The following SERPINB3 variants were observed in gnomAD, a reference collection of about 807,000 sequenced individuals.
SERPINB3 encodes the protein serpin B3.
SERPINB3 carries 33 observed loss-of-function variants against 33.0 expected under a neutral mutation model. That is an observed-to-expected ratio of 1.00 (90% CI 0.76 to 1.34). The LOEUF (loss-of-function observed/expected upper bound fraction) is 1.34. SERPINB3 is among the 40% of genes most tolerant of loss of function. The pLI, the probability that SERPINB3 is intolerant of heterozygous loss-of-function variation, is 0.00. For synonymous variants in SERPINB3, 200 were observed against 170.9 expected, an observed-to-expected ratio of 1.17 and a Z score of -1.33; for missense variants, 518 against 461.5, an observed-to-expected ratio of 1.12 and a Z score of -1.12.
At chr18:63,656,569 A>C (rs1485703898) in intron 7 of SERPINB3, among the ~76,000 whole-genome samples, 1 of 152,164 alleles carries the variant, frequency 6.6e-6, no homozygotes, top group Non-Finnish European at 1.5e-5. Flanking sequence ...TCTCCCAGTC[A>C]AGTTTAAATT....
At position 63,655,798 on chromosome 18, in the gene SERPINB3, T is replaced by A; in HGVS notation, c.1032A>T (p.Ala344=). 6.2e-7 allele frequency: 1 copy of A among 1,613,996 alleles called. No individual in the cohort carries two copies. The highest frequency in any genetic ancestry group is 1.1e-5 in the South Asian group (1 of 91,072). Residue 344 remains alanine, a synonymous_variant, in exon 8 of 8, where the codon GCA becomes GCT. Coordinates refer to ENST00000283752, the MANE Select transcript of SERPINB3 (RefSeq NM_006919.3). Reference sequence around the variant, plus strand: ...CGAATCCTACTACAGCGGTGGCAGCTGCAGCTTCTGCTCCCTCCTCTGTAA... The same window carrying A: ...CGAATCCTACTACAGCGGTGGCAGCAGCAGCTTCTGCTCCCTCCTCTGTAA... ...VEVTEEGAEA[A]AATAVVGFGS... is the part of the protein sequence containing the mutation.
Position 63,655,596 on chromosome 18 carries a change from T to G in SERPINB3, c.*61A>C. On this transcript the variant is annotated 3_prime_UTR_variant, in exon 8 of 8. Transcript: ENST00000283752. ...CAAGAGAATCTGTTGTTGCCAGCAA[T>G]CAGTTTACCAGAACATCTGCAGGTG... 6.7e-7 allele frequency: 1 copy of G among 1,498,390 alleles called. No individual in the cohort carries two copies. The highest frequency in any genetic ancestry group is 2.3e-5 in the East Asian group (1 of 43,804). The allele number at this position is 1,498,390 out of a possible 1,614,324, so 92.8% of individuals were successfully genotyped here.
chr18:63,656,660 G>T (rs185571816), intron 7 of SERPINB3, among the ~76,000 whole-genome samples, 171 bp downstream of exon 7: 1 of 152,154 alleles, frequency 6.6e-6, no homozygotes, highest in Non-Finnish European at 1.5e-5. Context: ...TTCAGTTTGT[G>T]TCAGGCCCTA....
chr18:63,656,606 T>C (rs567213758), intron 7 of SERPINB3, among the ~76,000 whole-genome samples: 1 of 152,344 alleles, frequency 6.6e-6, no homozygotes, highest in East Asian at 1.9e-4. Flanking sequence ...ATTAAATTGA[T>C]ATCCAATGCA....
At position 63,655,260 on chromosome 18, in the gene SERPINB3, G is replaced by A. The variant is rs950906799; in HGVS notation, c.*397C>T. The A allele has an allele frequency of 8.7e-5, 14 of 160,426 alleles. No individual in the cohort carries two copies. The highest frequency in any genetic ancestry group is 3.4e-4 in the African/African-American group (14 of 41,750). The allele number at this position is 160,426 out of a possible 1,614,324, so 9.9% of individuals were successfully genotyped here. A position where few individuals can be genotyped will look rare whatever the true frequency, so the allele number is the denominator to read the frequency against. ...AGAATCACAAAATTTAGAAACATAA[G>A]AAGGATTTAGGTATCACCTAAATTC... On this transcript the variant is annotated 3_prime_UTR_variant, in exon 8 of 8. Transcript: ENST00000283752.
At chr18:63,658,396 C>A in intron 5 of SERPINB3, 117 bp downstream of exon 5, 1 of 828,682 alleles carries the variant, frequency 1.2e-6, no homozygotes, top group Admixed American at 2.3e-5. Context: ...GTGCCCTCTT[C>A]TTCCCTCCCT....
Position 63,655,712 on chromosome 18 carries a change from A to T in SERPINB3, c.1118T>A (p.Ile373Lys), listed in dbSNP as rs746777683. The T allele has an allele frequency of 1.9e-6, 3 of 1,613,810 alleles. No individual in the cohort carries two copies. The African/African-American group carries it at 4.0e-5, about 22-fold the overall frequency. ...GATGCTGTTGGTCTTATTTTGCCTT[A>T]TGAAGAATAGGAAAGGGTGATTACA... The part of the protein sequence containing the change: ...FHCNHPFLFF[I>K]RQNKTNSILF... The change falls in exon 8 of 8, where the codon ATA (isoleucine) becomes AAA (lysine). Residue 373 changes from isoleucine to lysine, a missense_variant. Physicochemically the swap from Ile to Lys is moderately radical, Grantham distance 102 (BLOSUM62 -3). Transcript: ENST00000283752.
chr18:63,660,915 T>C, intron 2 of SERPINB3, 59 bp from the exon 3 acceptor site: 2 of 1,612,408 alleles, frequency 1.2e-6, no homozygotes, highest in Non-Finnish European at 1.7e-6. Context: ...TTTAAGTCAG[T>C]GGTCTCACAG....
Position 63,658,450 on chromosome 18 carries a change from C to T in SERPINB3, c.469+63G>A, listed in dbSNP as rs997489900. The T allele has an allele frequency of 1.0e-5, 14 of 1,398,492 alleles. No homozygotes were observed. The African/African-American group carries it at 1.9e-4, about 19-fold the overall frequency. 86.6% of individuals were successfully genotyped at this position (1,398,492 alleles called of 1,614,324 possible). On this transcript the variant is annotated intron_variant, in intron 5 of 7. Transcript: ENST00000283752. ...CCACCCATGGTCCCCCATGCAGTTT[C>T]AGGCATAGGGCTCACTCGCATAGAT...
rs780860195 is a variant in SERPINB3 at position 63,655,770 on chromosome 18, A to G, written c.1060T>C (p.Ser354Pro). Residue 354 changes from serine to proline, a missense_variant, in exon 8 of 8, where the codon TCA becomes CCA. Ser to Pro is a moderately conservative substitution (Grantham distance 74, BLOSUM62 -1). Transcript: ENST00000283752. ...TCTTCATTAGTTGAAGTAGGTGATG[A>G]TCCGAATCCTACTACAGCGGTGGCA... ...AAATAVVGFG[S>P]SPTSTNEEFH... 2 of 1,611,390 alleles carry G rather than the reference A, an allele frequency of 1.2e-6. No homozygotes were observed. Among genetic ancestry groups the G allele is most frequent in the Admixed American group, 3.3e-5 (2 of 59,920 alleles).
chr18:63,657,771 C>CTTTT (rs78145953), intron 5 of SERPINB3, among the ~76,000 whole-genome samples: 1 of 139,040 alleles, frequency 7.2e-6, no homozygotes, highest in East Asian at 2.1e-4. Flanking sequence ...CCTCTTCCTA[C>CTTTT]TTTTTTTTTT....
intron 3 of SERPINB3, among the ~76,000 whole-genome samples, chr18:63,659,982 G>T (rs1271090706): frequency 6.6e-6 from 1 of 152,154 alleles, no homozygotes; most frequent in Non-Finnish European, 1.5e-5. Flanking sequence ...AGGACACATT[G>T]ACTGATCTGT....
intron 3 of SERPINB3, 148 bp from the exon 4 acceptor site, chr18:63,659,675 C>G (rs1913591659): frequency 9.3e-7 from 1 of 1,080,592 alleles, no homozygotes; most frequent in Non-Finnish European, 1.3e-6. Context: ...TATTTCACCT[C>G]AAATACCCTT....
chr18:63,657,249 TA>T lies in SERPINB3; in HGVS notation c.612+20del. 2 of 1,261,958 alleles carry T rather than the reference TA, an allele frequency of 1.6e-6. No individual in the cohort carries two copies. Among genetic ancestry groups the T allele is most frequent in the Non-Finnish European group, 2.2e-6 (2 of 896,792 alleles). 78.2% of individuals were successfully genotyped at this position (1,261,958 alleles called of 1,614,324 possible). Reference sequence around the variant, plus strand: ...AAATTTATTAACATATTACATTATATAAATAAAATATAGACAATACCTTGTT... The same window carrying T: ...AAATTTATTAACATATTACATTATATAATAAAATATAGACAATACCTTGTT... On this transcript the variant is annotated intron_variant, in intron 6 of 7. Coordinates refer to ENST00000283752, the MANE Select transcript of SERPINB3 (RefSeq NM_006919.3).
Position 63,656,053 on chromosome 18 carries a change from C to G in SERPINB3, c.777G>C (p.Glu259Asp). Residue 259 changes from glutamate (E) to aspartate (D), a missense_variant, in exon 8 of 8, where the codon GAG becomes GAC. Transcript: ENST00000283752. ...CCATCAATTTCTCAGCAGTGAGTTT[C>G]TCTTCAAGCTATACAAATGGAAAAA... Reference protein sequence around the residue: ...NEIDGLQKLEEKLTAEKLMEW... With the variant: ...NEIDGLQKLEDKLTAEKLMEW... 6.2e-7 allele frequency: 1 copy of G among 1,613,098 alleles called. No homozygotes were observed. Among genetic ancestry groups the G allele is most frequent in the South Asian group, 1.1e-5 (1 of 91,026 alleles).
intron 3 of SERPINB3, 35 bp from the exon 4 acceptor site, chr18:63,659,562 T>C: frequency 3.1e-6 from 5 of 1,613,000 alleles, no homozygotes; most frequent in Non-Finnish European, 4.2e-6. Flanking sequence ...ATTCAATTGC[T>C]GTATCAATGT....
At chr18:63,657,106 G>C (rs1340274523) in intron 6 of SERPINB3, 120 bp from the exon 7 acceptor site, 12 of 997,922 alleles carry the variant, frequency 1.2e-5, no homozygotes, top group Admixed American at 3.0e-5. Flanking sequence ...ATGAGTTAGA[G>C]ACAATAGCTT....
intron 5 of SERPINB3, 23 bp from the exon 6 acceptor site, chr18:63,657,435 G>A (rs779523484): frequency 1.3e-6 from 2 of 1,568,078 alleles, no homozygotes; most frequent in Non-Finnish European, 1.7e-6. Flanking sequence ...GAATAAAAGA[G>A]TCTTTTACAC....
chr18:63,661,619 TG>T (rs1323492335), intron 1 of SERPINB3, among the ~76,000 whole-genome samples: 1 of 151,830 alleles, frequency 6.6e-6, no homozygotes, highest in Non-Finnish European at 1.5e-5. Flanking sequence ...ACTCTCTGGC[TG>T]CAAGGCACTC....
Sources: gnomAD v4.1 joint callset for allele counts (sites outside exome capture counted in the v4.1 genomes callset) on GRCh38, gnomAD v4.1.1 for gene constraint, MANE v1.5 for transcripts, NCBI Gene and HGNC (gene_info 2026-07-23, HGNC 2026-07-21) for gene names.